USP10: variants seen among roughly 807,000 people sequenced by gnomAD.
USP10 encodes the protein ubiquitin specific peptidase 10, also known as ubiquitin carboxyl-terminal hydrolase 10.
A neutral mutation model predicts 84.5 loss-of-function variants in USP10; 22 were observed. That is an observed-to-expected ratio of 0.26 (90% CI 0.19 to 0.37). USP10 has a LOEUF of 0.37. USP10 is among the 10% of genes least tolerant of loss of function. The pLI is 1.00. For synonymous variants in USP10, 454 were observed against 387.6 expected (o/e 1.17, Z -2.01); for missense variants, 1,019 against 998.9 (o/e 1.02, Z -0.27).
chr16:84,704,705 T>G, intron 1 of USP10: 1 of 1,486,562 alleles, frequency 6.7e-7, no homozygotes. Flanking sequence ...ATCCTAGATT[T>G]TTTCTGAACT....
intron 1 of USP10, among the ~76,000 whole-genome samples, chr16:84,708,499 A>G (rs1414367630): frequency 6.6e-6 from 1 of 152,212 alleles, no homozygotes; most frequent in African/African-American, 2.4e-5. Flanking sequence ...TTGTCCATCC[A>G]TTGCCTTTGC....
At chr16:84,762,944 A>ACAG in intron 8 of USP10, 45 bp from the exon 9 acceptor site, 2 of 1,276,276 alleles carry the variant, frequency 1.6e-6, no homozygotes, top group Non-Finnish European at 2.2e-6. Context: ...CAGGCCTTTG[A>ACAG]CAGTGATCAG....
Position 84,704,523 on chromosome 16 carries a change from G to A in USP10, c.21+4412G>A, listed in dbSNP as rs553857201. Reference sequence around the variant, plus strand: ...TATGTGCTTGGACTGCAGTTTTCCTGTTTATTGAAGTGTTCTCCCAAAAGG... The same window carrying A: ...TATGTGCTTGGACTGCAGTTTTCCTATTTATTGAAGTGTTCTCCCAAAAGG... On this transcript the variant is annotated intron_variant, in intron 1 of 13. Coordinates refer to ENST00000219473, the MANE Select transcript of USP10 (RefSeq NM_005153.3). Among the ~76,000 whole-genome samples, 3 of 152,156 alleles carry A rather than the reference G, an allele frequency of 2.0e-5. No individual in the cohort carries two copies. The South Asian group carries it at 6.2e-4, about 31-fold the overall frequency.
intron 2 of USP10, among the ~76,000 whole-genome samples, chr16:84,736,096 G>T (rs1470790497): frequency 1.3e-5 from 2 of 152,060 alleles, no homozygotes; most frequent in Non-Finnish European, 2.9e-5. Flanking sequence ...GTGTGTGAGT[G>T]GCGAGGGGAG....
intron 1 of USP10, among the ~76,000 whole-genome samples, chr16:84,715,007 C>T (rs971785343): frequency 5.9e-5 from 9 of 151,302 alleles, no homozygotes; most frequent in African/African-American, 2.2e-4. Flanking sequence ...CGGCTCACTG[C>T]AACCTCTGCC....
chr16:84,719,025 C>G (rs943818714), intron 1 of USP10, among the ~76,000 whole-genome samples: 2 of 152,016 alleles, frequency 1.3e-5, no homozygotes, highest in African/African-American at 4.8e-5. Flanking sequence ...CTCCTGACCT[C>G]AAATGATCCA....
intron 1 of USP10, among the ~76,000 whole-genome samples, chr16:84,710,362 G>A (rs2150760602): frequency 6.6e-6 from 1 of 152,018 alleles, no homozygotes; most frequent in East Asian, 1.9e-4. Context: ...TGATTCTTTA[G>A]GCTCTCCTCC....
chr16:84,758,355 C>G (rs1016439596), intron 4 of USP10, among the ~76,000 whole-genome samples: 6 of 152,138 alleles, frequency 3.9e-5, no homozygotes, highest in African/African-American at 1.4e-4. Context: ...TGAGACACAC[C>G]TGGCTAATGG....
intron 12 of USP10, 150 bp from the exon 13 acceptor site, chr16:84,775,010 T>C (rs1914849069): frequency 3.0e-6 from 2 of 672,646 alleles, no homozygotes; most frequent in South Asian, 3.1e-5. Context: ...CATGAGTCAA[T>C]TTTTGTGCAA....
At chr16:84,718,017 T>C (rs1907277019) in intron 1 of USP10, among the ~76,000 whole-genome samples, 1 of 152,128 alleles carries the variant, frequency 6.6e-6, no homozygotes, top group Non-Finnish European at 1.5e-5. Flanking sequence ...ACCTAAGAGA[T>C]TGGAAGAACA....
rs116094419 is a variant in USP10, at chr16:84,746,132, G to C, written c.1192+459G>C. ...GGATTGAGTAAATGGATTTTATTCA[G>C]AATTTTGATACACCAAGGTCAGCTC... On this transcript the variant is annotated intron_variant, in intron 4 of 13. Coordinates refer to ENST00000219473, the MANE Select transcript of USP10 (RefSeq NM_005153.3). Among the ~76,000 whole-genome samples, 745 of 149,368 alleles carry C rather than the reference G, an allele frequency of 5.0e-3. 4 individuals carry two copies. Among genetic ancestry groups the C allele is most frequent in the African/African-American group, 0.017 (680 of 40,370 alleles).
chr16:84,732,157 A>C lies in USP10; in HGVS notation c.22-1278A>C, dbSNP rs540421830. 7.2e-5 allele frequency among the ~76,000 whole-genome samples: 11 copies of C among 152,308 alleles called. No individual in the cohort carries two copies. The East Asian group carries it at 2.1e-3, about 29-fold the overall frequency. On this transcript the variant is annotated intron_variant, in intron 1 of 13. Transcript: ENST00000219473. ...TGCATTCTTACCAGGAGGGTATTACATTTAGTGGCCATTTATTCACATTTA... is the reference window on the plus strand; with the variant it reads ...TGCATTCTTACCAGGAGGGTATTACCTTTAGTGGCCATTTATTCACATTTA...
At chr16:84,739,591 C>A (rs1306782080) in intron 2 of USP10, among the ~76,000 whole-genome samples, 1 of 152,164 alleles carries the variant, frequency 6.6e-6, no homozygotes, top group South Asian at 2.1e-4. Flanking sequence ...AACTTTCTTA[C>A]ACCCAATGTG....
chr16:84,743,009 C>T (rs926819705), intron 3 of USP10, among the ~76,000 whole-genome samples: 5 of 152,282 alleles, frequency 3.3e-5, no homozygotes, highest in African/African-American at 1.2e-4. Flanking sequence ...CTTCAAAGGG[C>T]AGGCTCCACA....
intron 2 of USP10, among the ~76,000 whole-genome samples, chr16:84,739,321 G>C (rs1910340749): frequency 6.6e-6 from 1 of 152,054 alleles, no homozygotes; most frequent in Admixed American, 6.5e-5. Context: ...GCCCAGGCTG[G>C]AGTGCAGTGG....
In USP10 at chr16:84,740,481, G is replaced by A. The variant is rs370321855; in HGVS notation, c.151+112G>A. The A allele has an allele frequency of 4.4e-6, 4 of 902,798 alleles. No homozygotes were observed. In the African/African-American group the frequency reaches 5.0e-5, roughly 11 times the overall value. 55.9% of individuals were successfully genotyped at this position (902,798 alleles called of 1,614,324 possible). A position where few individuals can be genotyped will look rare whatever the true frequency, so the allele number is the denominator to read the frequency against. ...TTGAATAAACATTTCTTTGTAGCTT[G>A]AAGTTTTTGCTGTAAACTGTAATGT... On this transcript the variant is annotated intron_variant, in intron 3 of 13. Transcript: ENST00000219473.
intron 10 of USP10, among the ~76,000 whole-genome samples, chr16:84,764,931 G>GAGAGAGAGAGAGA (rs11373757): frequency 2.5e-5 from 1 of 39,256 alleles, no homozygotes; most frequent in African/African-American, 8.7e-5. Context: ...GAGAGAGAGA[G>GAGAGAGAGAGAGA]AAAAAAAAAT....
At chr16:84,727,467 CAA>C (rs1908649529) in intron 1 of USP10, among the ~76,000 whole-genome samples, 1 of 148,694 alleles carries the variant, frequency 6.7e-6, no homozygotes, top group Non-Finnish European at 1.5e-5. Context: ...AAAAAACAAA[CAA>C]ACAAACAAAC....
rs186235028 is a variant in USP10 at position 84,760,376 on chromosome 16, G to T, written c.1554+101G>T. ...TTGATATTTGCCCTCTGTCTCCAGCGCTATAAGTAGATGTAGGTTTATAAG... is the reference window on the plus strand; with the variant it reads ...TTGATATTTGCCCTCTGTCTCCAGCTCTATAAGTAGATGTAGGTTTATAAG... On this transcript the variant is annotated intron_variant, in intron 8 of 13. Transcript: ENST00000219473. 282 of 1,012,934 alleles carry T rather than the reference G, an allele frequency of 2.8e-4. No individual in the cohort carries two copies. The East Asian group carries it at 6.8e-3, about 24-fold the overall frequency. 62.7% of individuals were successfully genotyped at this position (1,012,934 alleles called of 1,614,324 possible).
Sources: gnomAD v4.1 joint callset for allele counts (sites outside exome capture counted in the v4.1 genomes callset) on GRCh38, gnomAD v4.1.1 for gene constraint, MANE v1.5 for transcripts, NCBI Gene and HGNC (gene_info 2026-07-23, HGNC 2026-07-21) for gene names.